The following EXOC6B variants were observed in gnomAD, a reference collection of about 807,000 sequenced individuals.
The protein encoded by EXOC6B is exocyst complex component 6B.
Under a neutral mutation model 113.5 loss-of-function variants are expected in EXOC6B, and 54 were observed. That is an observed-to-expected ratio of 0.48 (90% CI 0.38 to 0.60). The LOEUF (loss-of-function observed/expected upper bound fraction) is 0.60. Among genes scored for constraint, EXOC6B ranks in the 20% least tolerant of loss-of-function variants. The pLI, the probability that EXOC6B is intolerant of heterozygous loss-of-function variation, is 0.00. For synonymous variants in EXOC6B, 357 were observed against 339.0 expected, an observed-to-expected ratio of 1.05 and a Z score of -0.58; for missense variants, 797 against 977.5, an observed-to-expected ratio of 0.82 and a Z score of 2.46.
chr2:72,313,707 G>A (rs1421102248), intron 20 of EXOC6B, among the ~76,000 whole-genome samples: 1 of 152,138 alleles, frequency 6.6e-6, no homozygotes, highest in Non-Finnish European at 1.5e-5. Context: ...TGAAACCTAT[G>A]CTGTCCAGCA....
chr2:72,196,047 T>C (rs1679146383), intron 20 of EXOC6B, among the ~76,000 whole-genome samples: 1 of 152,196 alleles, frequency 6.6e-6, no homozygotes, highest in Non-Finnish European at 1.5e-5. Flanking sequence ...TATAATTTAT[T>C]AGTAAATTTT....
chr2:72,383,792 T>C (rs150145322), intron 18 of EXOC6B, among the ~76,000 whole-genome samples: 145 of 152,196 alleles, frequency 9.5e-4, no homozygotes, highest in African/African-American at 3.3e-3. Flanking sequence ...TAGGTACCTA[T>C]ACACCATGGA....
intron 11 of EXOC6B, among the ~76,000 whole-genome samples, chr2:72,500,762 C>A (rs977797902): frequency 2.6e-5 from 4 of 152,078 alleles, no homozygotes; most frequent in Non-Finnish European, 4.4e-5. Flanking sequence ...TGTAAAAATT[C>A]ATTGATTTTG....
chr2:72,431,682 T>C (rs565417443), intron 18 of EXOC6B, among the ~76,000 whole-genome samples: 2 of 152,170 alleles, frequency 1.3e-5, no homozygotes, highest in Non-Finnish European at 2.9e-5. Flanking sequence ...AGTTCTGGGA[T>C]ACATATGCAG....
intron 18 of EXOC6B, among the ~76,000 whole-genome samples, chr2:72,431,655 AT>A (rs1349346756): frequency 2.0e-5 from 3 of 151,976 alleles, no homozygotes; most frequent in African/African-American, 7.2e-5. Context: ...TTTTTTTATT[AT>A]TATTATTCTA....
chr2:72,298,309 T>A (rs1188589843), intron 20 of EXOC6B, among the ~76,000 whole-genome samples: 3 of 152,174 alleles, frequency 2.0e-5, no homozygotes, highest in Non-Finnish European at 4.4e-5. Flanking sequence ...TTGCAACCCC[T>A]GCTTTTTTTT....
chr2:72,253,454 A>G (rs752767452), intron 20 of EXOC6B, among the ~76,000 whole-genome samples: 1 of 152,240 alleles, frequency 6.6e-6, no homozygotes, highest in Non-Finnish European at 1.5e-5. Flanking sequence ...CTAAATGCCT[A>G]TCAATGGTAG....
chr2:72,348,610 A>C (rs1689468723), intron 19 of EXOC6B, among the ~76,000 whole-genome samples: 2 of 152,200 alleles, frequency 1.3e-5, no homozygotes, highest in East Asian at 1.9e-4. Context: ...TAACGTTTTT[A>C]AAATGAAGAC....
Position 72,220,510 on chromosome 2 carries a change from G to T in EXOC6B, c.2197-36323C>A, listed in dbSNP as rs142656486. Among the ~76,000 whole-genome samples the T allele has an allele frequency of 2.6e-5, 4 of 152,240 alleles. No individual in the cohort carries two copies. The East Asian group carries it at 7.7e-4, about 29-fold the overall frequency. ...GAAAACATCCCTAATAATTTGCAGGGCATTCAAAGAAAGTACTGTGTGGTT... is the reference window on the plus strand; with the variant it reads ...GAAAACATCCCTAATAATTTGCAGGTCATTCAAAGAAAGTACTGTGTGGTT... On this transcript the variant is annotated intron_variant, in intron 20 of 21. Coordinates refer to ENST00000272427, the MANE Select transcript of EXOC6B (RefSeq NM_015189.3).
At chr2:72,659,422 C>T (rs533340229) in intron 6 of EXOC6B, among the ~76,000 whole-genome samples, 4 of 152,190 alleles carry the variant, frequency 2.6e-5, no homozygotes, top group Admixed American at 1.3e-4. Flanking sequence ...CACTGAACTC[C>T]TACAATTTTT....
chr2:72,819,212 A>C (rs1199648585), intron 1 of EXOC6B, among the ~76,000 whole-genome samples: 1 of 152,210 alleles, frequency 6.6e-6, no homozygotes, highest in Non-Finnish European at 1.5e-5. Context: ...AAGACACATA[A>C]TAATCATCTA....
At chr2:72,250,123 A>G (rs1682917063) in intron 20 of EXOC6B, among the ~76,000 whole-genome samples, 1 of 152,230 alleles carries the variant, frequency 6.6e-6, no homozygotes, top group Non-Finnish European at 1.5e-5. Flanking sequence ...AGAATGTAAC[A>G]CAAAGCTTAA....
intron 18 of EXOC6B, among the ~76,000 whole-genome samples, chr2:72,400,369 T>A (rs1693056549): frequency 6.6e-6 from 1 of 152,056 alleles, no homozygotes; most frequent in Non-Finnish European, 1.5e-5. Flanking sequence ...GACATTGGCC[T>A]GGGGAAACAA....
intron 20 of EXOC6B, among the ~76,000 whole-genome samples, chr2:72,209,931 A>T (rs1680082178): frequency 6.6e-6 from 1 of 152,204 alleles, no homozygotes; most frequent in African/African-American, 2.4e-5. Context: ...CCTCAGTGAT[A>T]AGATTTTTAT....
chr2:72,254,026 G>A (rs1199695565), intron 20 of EXOC6B, among the ~76,000 whole-genome samples: 2 of 152,004 alleles, frequency 1.3e-5, no homozygotes, highest in Non-Finnish European at 2.9e-5. Flanking sequence ...TGGGCGTGGT[G>A]GTGGGCACCT....
chr2:72,631,145 T>C (rs1221778434), intron 6 of EXOC6B, among the ~76,000 whole-genome samples: 1 of 152,000 alleles, frequency 6.6e-6, no homozygotes, highest in African/African-American at 2.4e-5. Flanking sequence ...TCACTGATAG[T>C]TCTAAAGTAT....
At chr2:72,525,125 A>T (rs1701691992) in intron 8 of EXOC6B, among the ~76,000 whole-genome samples, 1 of 152,258 alleles carries the variant, frequency 6.6e-6, no homozygotes, top group Non-Finnish European at 1.5e-5. Flanking sequence ...TTAAAAAAAG[A>T]AAAGAAAGAA....
chr2:72,606,258 AT>A (rs1220056487), intron 6 of EXOC6B, among the ~76,000 whole-genome samples: 1 of 152,152 alleles, frequency 6.6e-6, no homozygotes, highest in Admixed American at 6.5e-5. Flanking sequence ...TACCCAGCTT[AT>A]TTATATTCAA....
At chr2:72,700,686 A>T (rs1314145974) in intron 6 of EXOC6B, among the ~76,000 whole-genome samples, 1 of 152,230 alleles carries the variant, frequency 6.6e-6, no homozygotes, top group African/African-American at 2.4e-5. Flanking sequence ...AAATGGGGCC[A>T]GGCGCAGTGG....
Sources: gnomAD v4.1 joint callset for allele counts (sites outside exome capture counted in the v4.1 genomes callset) on GRCh38, gnomAD v4.1.1 for gene constraint, MANE v1.5 for transcripts, NCBI Gene and HGNC (gene_info 2026-07-23, HGNC 2026-07-21) for gene names.